The following CIAO3 variants were observed in gnomAD, a reference collection of about 807,000 sequenced individuals.
CIAO3 encodes the protein cytosolic iron-sulfur assembly component 3, also known as LET1 like/JFP15.
In CIAO3, 45 loss-of-function variants were observed where a neutral mutation model predicts 51.5. That is an observed-to-expected ratio of 0.87 (90% CI 0.69 to 1.12). The LOEUF is 1.12. CIAO3 is among the 50% of genes most tolerant of loss of function. The probability of loss-of-function intolerance (pLI) is 0.00; values close to 1 mark genes in which losing one functional copy is unlikely to be tolerated. For missense variants in CIAO3, 668 were observed against 632.5 expected (o/e 1.06, Z -0.60); for synonymous variants, 314 against 269.3 (o/e 1.17, Z -1.63).
Position 737,372 on chromosome 16 carries a change from C to T in CIAO3, c.163-43G>A, listed in dbSNP as rs201947476. On this transcript the variant is annotated intron_variant, in intron 2 of 10. Transcript: ENST00000251588. The surrounding 1 kb of genome is among the most constrained non-coding windows in gnomAD (Gnocchi z 5.3). ...CCGGTGCACAGGGGCCCCCTCTGCA[C>T]GAGGACATGGAGACAGAGGATAGTG... 73 of 1,610,142 alleles carry T rather than the reference C, an allele frequency of 4.5e-5. No homozygotes were observed. Among genetic ancestry groups the T allele is most frequent in the Non-Finnish European group, 5.9e-5 (69 of 1,178,608 alleles).
At chr16:733,186 A>G (rs938541928) in intron 7 of CIAO3, 112 bp downstream of exon 7, 25 of 1,397,082 alleles carry the variant, frequency 1.8e-5, no homozygotes, top group Admixed American at 6.2e-5. Context: ...GAGCCCCCAC[A>G]CTCCAGCCAG....
At chr16:740,695 G>A (rs1038481529) in intron 1 of CIAO3, 12 of 555,412 alleles carry the variant, frequency 2.2e-5, no homozygotes, top group Non-Finnish European at 3.5e-5. Flanking sequence ...ACAGGAGCGG[G>A]TTGGGGGGCG....
rs936382816 is a variant in CIAO3, at chr16:730,270, G to A, written c.*147C>T. On this transcript the variant is annotated 3_prime_UTR_variant, in exon 11 of 11. Transcript: ENST00000251588. Reference sequence around the variant, plus strand: ...CAACTGGAGGTGACGAGGCGGCTGCGGGTCCTGGCTAGTCCTAGCTCCTAC... The same window carrying A: ...CAACTGGAGGTGACGAGGCGGCTGCAGGTCCTGGCTAGTCCTAGCTCCTAC... 1.4e-5 allele frequency: 11 copies of A among 775,468 alleles called. No homozygotes were observed. The highest frequency in any genetic ancestry group is 3.5e-5 in the South Asian group (2 of 57,210). 48.0% of individuals were successfully genotyped at this position (775,468 alleles called of 1,614,324 possible).
chr16:731,154 A>G (rs2041275438), intron 9 of CIAO3, 154 bp from the exon 10 acceptor site: 1 of 989,522 alleles, frequency 1.0e-6, no homozygotes, highest in Admixed American at 2.8e-5. Flanking sequence ...GAACGGAGAG[A>G]GAGGGTGGAA....
chr16:737,529 C>T lies in CIAO3; in HGVS notation c.163-200G>A. On this transcript the variant is annotated intron_variant, in intron 2 of 10. Transcript: ENST00000251588. The surrounding 1 kb of genome is among the most constrained non-coding windows in gnomAD (Gnocchi z 5.3). ...CAGTTTCATAATGCCGTCAAGTCTGCTTCTTGGTACCACTTGGTTAGTGCA... is the reference window on the plus strand; with the variant it reads ...CAGTTTCATAATGCCGTCAAGTCTGTTTCTTGGTACCACTTGGTTAGTGCA... 1 of 1,516,108 alleles carries T rather than the reference C, an allele frequency of 6.6e-7. No homozygotes were observed. 93.9% of individuals were successfully genotyped at this position (1,516,108 alleles called of 1,614,324 possible).
In CIAO3 at chr16:730,525, C is replaced by T; in HGVS notation, c.1323G>A (p.Leu441=). Residue 441 remains leucine (L), a synonymous_variant, in exon 11 of 11, where the codon CTG becomes CTA. Coordinates refer to ENST00000251588, the MANE Select transcript of CIAO3 (RefSeq NM_022493.3). ...CCGTGCCCTGCAGCCAGTGTGTGTA[C>T]AGCTCCTGAACCCCAGGCGCGTCCT... The part of the protein sequence containing the change: ...APEDAPGVQE[L]YTHWLQGTDS... 1.2e-6 allele frequency: 2 copies of T among 1,610,822 alleles called. No homozygotes were observed. The highest frequency in any genetic ancestry group is 1.7e-6 in the Non-Finnish European group (2 of 1,179,996).
At chr16:740,086 G>A (rs766741149) in intron 1 of CIAO3, 2 of 1,338,548 alleles carry the variant, frequency 1.5e-6, no homozygotes, top group South Asian at 2.5e-5. Flanking sequence ...TGCCCATCGA[G>A]AGGACGTGTG....
Position 729,962 on chromosome 16 carries a change from G to A in CIAO3, c.*455C>T, listed in dbSNP as rs1172558194. ...AGGGTCCACACGCAGGGTTGTGGCG[G>A]GACCACCCCTGCAGGTCCAGCTCTG... On this transcript the variant is annotated 3_prime_UTR_variant, in exon 11 of 11. Transcript: ENST00000251588. 1.8e-5 allele frequency: 6 copies of A among 340,952 alleles called. No individual in the cohort carries two copies. Among genetic ancestry groups the A allele is most frequent in the Admixed American group, 4.8e-5 (1 of 21,034 alleles). 21.1% of individuals were successfully genotyped at this position (340,952 alleles called of 1,614,324 possible). A position where few individuals can be genotyped will look rare whatever the true frequency, so the allele number is the denominator to read the frequency against.
intron 2 of CIAO3, 44 bp downstream of exon 2, chr16:739,599 T>A: frequency 6.3e-7 from 1 of 1,578,962 alleles, no homozygotes; most frequent in Non-Finnish European, 8.7e-7. Context: ...GTGTTTCGGA[T>A]CAGCCGGGCA....
Position 740,950 on chromosome 16 carries a change from C to T in CIAO3, c.36G>A (p.Thr12=), listed in dbSNP as rs920853854. ...ASPFSGALQL[T]DLDDFIGPSQ... is the part of the protein sequence containing the mutation. ...ACGGCCCGATGAAGTCATCCAGGTC[C>T]GTCAGCTGCAGCGCCCCGCTGAAGG... Residue 12 remains threonine (T), a synonymous_variant, in exon 1 of 11, where the codon ACG becomes ACA. Transcript: ENST00000251588. The T allele has an allele frequency of 3.9e-6, 6 of 1,521,100 alleles. No homozygotes were observed. The highest frequency in any genetic ancestry group is 2.0e-4 in the Middle Eastern group (1 of 5,050). The allele number at this position is 1,521,100 out of a possible 1,614,324, so 94.2% of individuals were successfully genotyped here. A position where few individuals can be genotyped will look rare whatever the true frequency, so the allele number is the denominator to read the frequency against.
At chr16:733,851 C>T (rs2041310109) in intron 6 of CIAO3, 1 of 367,238 alleles carries the variant, frequency 2.7e-6, no homozygotes, top group Non-Finnish European at 5.2e-6. Flanking sequence ...CCGCCCTCGC[C>T]CTCTCCCGCC....
In CIAO3 at chr16:730,609, G is replaced by C; in HGVS notation, c.1239C>G (p.Ser413Arg). The C allele has an allele frequency of 1.2e-6, 2 of 1,610,478 alleles. No individual in the cohort carries two copies. The highest frequency in any genetic ancestry group is 2.2e-5 in the South Asian group (2 of 91,086). ...TCTCCACGTGCTGGAGGAGCTCTCTGCTGGGCCTGTCTGGGGCCTGGAGCT... is the reference window on the plus strand; with the variant it reads ...TCTCCACGTGCTGGAGGAGCTCTCTCCTGGGCCTGTCTGGGGCCTGGAGCT... ...GGQLQAPDRPSRELLQHVERL... is the reference protein window; with the variant it reads ...GGQLQAPDRPRRELLQHVERL... The change falls in exon 11 of 11, where the codon AGC (serine) becomes AGG (arginine). Residue 413 changes from serine to arginine, a missense_variant. By Grantham distance (110) the Ser-to-Arg change is moderately radical. Transcript: ENST00000251588.
Position 737,384 on chromosome 16 carries a change from G to A in CIAO3, c.163-55C>T. ...GGCCCCCTCTGCACGAGGACATGGA[G>A]ACAGAGGATAGTGGAGTCCAGCTCA... On this transcript the variant is annotated intron_variant, in intron 2 of 10. Transcript: ENST00000251588. The surrounding 1 kb of genome is among the most constrained non-coding windows in gnomAD (Gnocchi z 5.3). 6.2e-7 allele frequency: 1 copy of A among 1,607,820 alleles called. No homozygotes were observed. Among genetic ancestry groups the A allele is most frequent in the South Asian group, 1.1e-5 (1 of 90,882 alleles).
intron 8 of CIAO3, 180 bp from the exon 9 acceptor site, chr16:731,882 T>G (rs2041287302): frequency 3.6e-6 from 3 of 842,134 alleles, no homozygotes; most frequent in Middle Eastern, 3.7e-4. Flanking sequence ...CTTGTTTTTT[T>G]TTTTGAGACG....
intron 6 of CIAO3, 56 bp from the exon 7 acceptor site, chr16:733,483 C>T (rs759328646): frequency 2.2e-5 from 36 of 1,607,546 alleles, no homozygotes; most frequent in Admixed American, 6.7e-5. Flanking sequence ...GTGGCTGAGA[C>T]GGGACCTGGA....
chr16:740,832 A>G, intron 1 of CIAO3, 88 bp downstream of exon 1: 2 of 1,297,004 alleles, frequency 1.5e-6, no homozygotes, highest in South Asian at 1.3e-5. Context: ...CTCATTCCTC[A>G]GGGGAGGAAG....
intron 1 of CIAO3, chr16:740,240 G>A: frequency 3.7e-6 from 2 of 536,664 alleles, no homozygotes; most frequent in East Asian, 6.9e-5. Context: ...CCCGCCTCTC[G>A]CCCTGCTCAG....
At chr16:739,295 T>C (rs2041368920) in intron 2 of CIAO3, 1 of 284,294 alleles carries the variant, frequency 3.5e-6, no homozygotes, top group African/African-American at 2.5e-5. Context: ...GGAGACTCTG[T>C]ATCAAACAAA....
intron 5 of CIAO3, 137 bp from the exon 6 acceptor site, chr16:734,484 TCTC>T: frequency 1.2e-6 from 1 of 835,424 alleles, no homozygotes; most frequent in Non-Finnish European, 1.9e-6. Flanking sequence ...TCATTCCTGT[TCTC>T]CCCACCACCA....
Sources: gnomAD v4.1 joint callset for allele counts on GRCh38, gnomAD v4.1.1 for gene constraint, Gnocchi (gnomAD v3.1) non-coding constraint, MANE v1.5 for transcripts, NCBI Gene and HGNC (gene_info 2026-07-23, HGNC 2026-07-21) for gene names.